PILRA: variants seen among roughly 807,000 people sequenced by gnomAD.
PILRA encodes the protein paired immunoglobin like type 2 receptor alpha, also known as paired immunoglobulin-like type 2 receptor alpha.
In PILRA, 37 loss-of-function variants were observed where a neutral mutation model predicts 33.1. The observed-to-expected ratio is 1.12, with a 90% CI of 0.86 to 1.47. The LOEUF is 1.47. Ranked by LOEUF, PILRA falls within the 40% of genes most tolerant of loss-of-function variation. The pLI is 0.00. For missense variants in PILRA, 312 were observed against 376.2 expected (o/e 0.83, Z 1.41); for synonymous variants, 146 against 149.9 (o/e 0.97, Z 0.19).
upstream of PILRA, among the ~76,000 whole-genome samples, chr7:100,372,945 C>T (rs2130147147): frequency 6.6e-6 from 1 of 152,156 alleles, no homozygotes; most frequent in African/African-American, 2.4e-5. Context: ...CCAGAAGGAC[C>T]AGTCTCTGTG....
Position 100,397,928 on chromosome 7 carries a change from C to A in PILRA, c.707+16C>A. On this transcript the variant is annotated intron_variant, in intron 4 of 6. Coordinates refer to ENST00000198536, the MANE Select transcript of PILRA (RefSeq NM_013439.3). ...CCCCAGCCAGGTGAGTGCTGGGCCT[C>A]CCCAGGGTGGGTTGGGGGGTGCATG... is the stretch of plus-strand genomic sequence containing the variant. The A allele has an allele frequency of 6.2e-7, 1 of 1,613,214 alleles. No individual in the cohort carries two copies. The highest frequency in any genetic ancestry group is 8.5e-7 in the Non-Finnish European group (1 of 1,179,282).
chr7:100,376,711 C>T (rs1790957030), intron 2 of PILRA, among the ~76,000 whole-genome samples: 1 of 145,582 alleles, frequency 6.9e-6, no homozygotes, highest in African/African-American at 2.6e-5. Context: ...ATCTGCCCAG[C>T]TTGGCCTCCC....
At chr7:100,379,214 G>A (rs1205260262) in intron 2 of PILRA, among the ~76,000 whole-genome samples, 1 of 151,816 alleles carries the variant, frequency 6.6e-6, no homozygotes, top group African/African-American at 2.4e-5. Context: ...GACCAGTTTG[G>A]CCAACATGGT....
intron 2 of PILRA, among the ~76,000 whole-genome samples, chr7:100,380,778 A>G (rs1337712451): frequency 1.3e-5 from 2 of 152,156 alleles, no homozygotes; most frequent in Non-Finnish European, 2.9e-5. Flanking sequence ...CAGCCTGGCC[A>G]ACACAGCGAA....
At position 100,400,047 on chromosome 7, in the gene PILRA, C is replaced by A; in HGVS notation, c.*140C>A. The A allele has an allele frequency of 1.5e-6, 1 of 671,510 alleles. No homozygotes were observed. The highest frequency in any genetic ancestry group is 2.3e-6 in the Non-Finnish European group (1 of 435,682). The allele number at this position is 671,510 out of a possible 1,614,324, so 41.6% of individuals were successfully genotyped here. A position where few individuals can be genotyped will look rare whatever the true frequency, so the allele number is the denominator to read the frequency against. ...CCAGCTTTGATAATGGAGCGAGATG[C>A]CATCTCTAGTTAAAAATATATATTA... On this transcript the variant is annotated 3_prime_UTR_variant, in exon 7 of 7. Coordinates refer to ENST00000198536, the MANE Select transcript of PILRA (RefSeq NM_013439.3).
chr7:100,376,278 G>A (rs942152113), intron 2 of PILRA: 1 of 151,912 alleles, frequency 6.6e-6, no homozygotes, highest in African/African-American at 2.4e-5. Flanking sequence ...TTCCTTAAAT[G>A]GCCTTTTTTG....
intron 2 of PILRA, among the ~76,000 whole-genome samples, chr7:100,387,238 G>C (rs73401452): frequency 0.039 from 5,988 of 152,254 alleles, 420 homozygotes; most frequent in African/African-American, 0.14. Context: ...GTTTGAGACA[G>C]AATCTTGCTC....
intron 5 of PILRA, 62 bp downstream of exon 5, chr7:100,399,402 AC>A (rs1021818988): frequency 6.8e-7 from 1 of 1,464,398 alleles, no homozygotes; most frequent in African/African-American, 1.4e-5. Flanking sequence ...TTCCCCAAAT[AC>A]CCCCTACCTG....
At chr7:100,378,511 G>A (rs1791004458) in intron 2 of PILRA, among the ~76,000 whole-genome samples, 1 of 152,182 alleles carries the variant, frequency 6.6e-6, no homozygotes, top group Non-Finnish European at 1.5e-5. Flanking sequence ...GCAATTGACA[G>A]AAACTGAAAT....
intron 2 of PILRA, among the ~76,000 whole-genome samples, chr7:100,381,361 A>G (rs183613307): frequency 3.7e-4 from 55 of 149,754 alleles, no homozygotes; most frequent in African/African-American, 1.2e-3. Context: ...CAGGAGGATC[A>G]CTTGGGGCTG....
chr7:100,379,173 G>A (rs1214943190), intron 2 of PILRA, among the ~76,000 whole-genome samples: 1 of 151,902 alleles, frequency 6.6e-6, no homozygotes, highest in South Asian at 2.1e-4. Context: ...GGAGGCTCAG[G>A]TGGGCTGATC....
In PILRA at chr7:100,399,834, C is replaced by G. The variant is rs138502181; in HGVS notation, c.839C>G (p.Pro280Arg). The G allele has an allele frequency of 6.2e-7, 1 of 1,613,666 alleles. No individual in the cohort carries two copies. The highest frequency in any genetic ancestry group is 8.5e-7 in the Non-Finnish European group (1 of 1,179,776). Residue 280 changes from proline to arginine, a missense_variant, in exon 7 of 7, where the codon CCC becomes CGC. Physicochemically the swap from Pro to Arg is moderately radical, Grantham distance 103. Coordinates refer to ENST00000198536, the MANE Select transcript of PILRA (RefSeq NM_013439.3). ...ASLALSSSTS[P>R]RAPPSHRPLK... ...CTTGCCCTCTCCAGCTCCACCTCAC[C>G]CAGAGCACCTCCCAGCCACCGTCCC...
intron 3 of PILRA, among the ~76,000 whole-genome samples, chr7:100,395,652 G>A (rs1791479700): frequency 2.0e-5 from 3 of 152,034 alleles, no homozygotes; most frequent in African/African-American, 7.2e-5. Flanking sequence ...TCAGAGAAAT[G>A]CAAATCAGAA....
chr7:100,380,073 C>G (rs1023373474), intron 2 of PILRA, among the ~76,000 whole-genome samples: 1 of 152,162 alleles, frequency 6.6e-6, no homozygotes, highest in Non-Finnish European at 1.5e-5. Flanking sequence ...CCCCATTCCC[C>G]TACCCTAGCC....
chr7:100,373,048 G>A (rs984469848), upstream of PILRA, among the ~76,000 whole-genome samples: 6 of 152,110 alleles, frequency 3.9e-5, no homozygotes, highest in African/African-American at 1.4e-4. Flanking sequence ...CTGGGTCGTG[G>A]TGGTGCCTGG....
At chr7:100,378,475 T>TAAAA (rs1424680910) in intron 2 of PILRA, among the ~76,000 whole-genome samples, 3 of 152,206 alleles carry the variant, frequency 2.0e-5, no homozygotes, top group Non-Finnish European at 4.4e-5. Context: ...AACACTCTTT[T>TAAAA]AAGTCAGTTG....
chr7:100,374,473 G>C (rs146248193), intron 2 of PILRA, 40 bp downstream of exon 2: 257 of 1,611,964 alleles, frequency 1.6e-4, no homozygotes, highest in Non-Finnish European at 1.7e-4. Flanking sequence ...GCCCACCGCA[G>C]TGAGGCTTTT....
chr7:100,382,769 C>T (rs923348974), intron 2 of PILRA, among the ~76,000 whole-genome samples: 1 of 152,188 alleles, frequency 6.6e-6, no homozygotes, highest in African/African-American at 2.4e-5. Context: ...TGGGTCCACA[C>T]TGACCTTTAT....
At position 100,399,802 on chromosome 7, in the gene PILRA, T is replaced by C. The variant is rs1448188800; in HGVS notation, c.807T>C (p.Tyr269=). The C allele has an allele frequency of 6.2e-7, 1 of 1,611,734 alleles. No homozygotes were observed. Among genetic ancestry groups the C allele is most frequent in the Non-Finnish European group, 8.5e-7 (1 of 1,178,776 alleles). Reference sequence around the variant, plus strand: ...TCGCCCAGGATGACGGCATCGTCTATGCTTCCCTTGCCCTCTCCAGCTCCA... The same window carrying C: ...TCGCCCAGGATGACGGCATCGTCTACGCTTCCCTTGCCCTCTCCAGCTCCA... ...KLNPKDDGIV[Y]ASLALSSSTS... Residue 269 remains tyrosine (Y), a synonymous_variant, in exon 7 of 7, where the codon TAT becomes TAC. Coordinates refer to ENST00000198536, the MANE Select transcript of PILRA (RefSeq NM_013439.3).
Sources: allele counts gnomAD v4.1 joint callset (sites outside exome capture counted in the v4.1 genomes callset), GRCh38; gene constraint gnomAD v4.1.1; transcripts MANE v1.5; gene names NCBI Gene and HGNC (gene_info 2026-07-23, HGNC 2026-07-21).